CASP10: variants seen among roughly 807,000 people sequenced by gnomAD.
CASP10 encodes the protein caspase-10.
Under a neutral mutation model 48.5 loss-of-function variants are expected in CASP10, and 41 were observed. That is an observed-to-expected ratio of 0.85 (90% CI 0.66 to 1.10). The LOEUF (loss-of-function observed/expected upper bound fraction) is 1.10. Ranked by LOEUF, CASP10 falls within the 50% of genes least tolerant of loss-of-function variation. CASP10 has a pLI of 0.00. For missense variants in CASP10, 614 were observed against 614.5 expected (o/e 1.00, Z 0.01); for synonymous variants, 232 against 238.4 (o/e 0.97, Z 0.25).
At chr2:201,199,914 C>T (rs945790317) in intron 5 of CASP10, among the ~76,000 whole-genome samples, 1 of 152,122 alleles carries the variant, frequency 6.6e-6, no homozygotes, top group Non-Finnish European at 1.5e-5. Flanking sequence ...ACTTTTATGA[C>T]ATTTAATTTC....
At chr2:201,210,101 A>C (rs2126049474) in intron 9 of CASP10, among the ~76,000 whole-genome samples, 2 of 152,340 alleles carry the variant, frequency 1.3e-5, no homozygotes, top group South Asian at 2.1e-4. Context: ...GCATGAACAA[A>C]AGCATGGGGG....
At chr2:201,196,007 C>A in intron 5 of CASP10, 59 bp downstream of exon 5, 2 of 1,120,994 alleles carry the variant, frequency 1.8e-6, no homozygotes, top group Non-Finnish European at 2.7e-6. Context: ...CCAACCTCCC[C>A]TCCCTGCCAC....
At chr2:201,210,457 A>G (rs1394026592) in intron 9 of CASP10, among the ~76,000 whole-genome samples, 2 of 152,184 alleles carry the variant, frequency 1.3e-5, no homozygotes, top group Non-Finnish European at 2.9e-5. Context: ...CCCGCTAGAT[A>G]TCCTACCTCT....
Position 201,205,942 on chromosome 2 carries a change from C to T in CASP10, c.782C>T (p.Ala261Val). 1.2e-6 allele frequency: 2 copies of T among 1,612,930 alleles called. No individual in the cohort carries two copies. The highest frequency in any genetic ancestry group is 2.2e-5 in the South Asian group (2 of 91,052). Residue 261 changes from alanine to valine, a missense_variant, in exon 7 of 10, where the codon GCT (alanine) becomes GTT (valine). Physicochemically the swap from Ala to Val is moderately conservative, Grantham distance 64. Coordinates refer to ENST00000286186, the MANE Select transcript of CASP10 (RefSeq NM_032977.4). Reference protein sequence around the residue: ...LVSRGMQGASANTLNSETSTK... With the variant: ...LVSRGMQGASVNTLNSETSTK... The stretch of plus-strand genomic sequence containing the variant: ...TCCAGGGGGATGCAAGGAGCATCTG[C>T]TAACACTCTAAACTCTGAAACCAGC...
chr2:201,206,121 C>A, intron 7 of CASP10, 148 bp downstream of exon 7: 1 of 591,354 alleles, frequency 1.7e-6, no homozygotes. Context: ...AGACTTGTTT[C>A]TCCCTCTCTC....
rs1235851750 is a variant in CASP10 at position 201,205,224 on chromosome 2, TTTTC to T, written c.722-654_722-651del. On this transcript the variant is annotated intron_variant, in intron 6 of 9. Transcript: ENST00000286186. ...TTCCCCTCTTTTTTCTTTTCTTTTCTTTTCTTTTTTTTTTTTTTGAGACAGGGCC... is the reference window on the plus strand; with the variant it reads ...TTCCCCTCTTTTTTCTTTTCTTTTCTTTTTTTTTTTTTTTGAGACAGGGCC... Among the ~76,000 whole-genome samples the T allele has an allele frequency of 4.1e-5, 6 of 147,536 alleles. No individual in the cohort carries two copies. The South Asian group carries it at 6.3e-4, about 16-fold the overall frequency.
At chr2:201,225,530 C>A (rs771988003), downstream of CASP10, among the ~76,000 whole-genome samples, 3 of 152,212 alleles carry the variant, frequency 2.0e-5, no homozygotes, top group Non-Finnish European at 4.4e-5. Flanking sequence ...ATCGAATTCT[C>A]TATGATCTCA....
chr2:201,203,572 G>A (rs1945098728), intron 5 of CASP10, among the ~76,000 whole-genome samples, 158 bp from the exon 6 acceptor site: 1 of 152,152 alleles, frequency 6.6e-6, no homozygotes, highest in Admixed American at 6.5e-5. Context: ...CTCCCAAAGT[G>A]CTGGGATTAC....
chr2:201,202,693 A>G (rs2126036161), intron 5 of CASP10, among the ~76,000 whole-genome samples: 1 of 152,294 alleles, frequency 6.6e-6, no homozygotes, highest in South Asian at 2.1e-4. Context: ...CCTCCTTTGC[A>G]TTTGTTCCTG....
chr2:201,213,263 C>T (rs1219956728), intron 9 of CASP10: 1 of 152,086 alleles, frequency 6.6e-6, no homozygotes, highest in Non-Finnish European at 1.5e-5. Context: ...CACAATCTAA[C>T]ATTTTGATTA....
rs185634125 is a variant in CASP10, at chr2:201,200,648, A to C, written c.685-3082A>C. On this transcript the variant is annotated intron_variant, in intron 5 of 9. Transcript: ENST00000286186. ...GTGGAGGTATTTAGGCATTTGAGGG[A>C]ATCTCAGCTTTGGGAGGCCACTTTG... 306 of 1,423,698 alleles carry C rather than the reference A, an allele frequency of 2.1e-4. 2 individuals carry two copies. The East Asian group carries it at 5.0e-3, about 23-fold the overall frequency. The allele number at this position is 1,423,698 out of a possible 1,614,324, so 88.2% of individuals were successfully genotyped here. A position where few individuals can be genotyped will look rare whatever the true frequency, so the allele number is the denominator to read the frequency against.
chr2:201,190,080 A>G (rs1302952361), intron 3 of CASP10, among the ~76,000 whole-genome samples: 1 of 152,164 alleles, frequency 6.6e-6, no homozygotes, highest in Non-Finnish European at 1.5e-5. Context: ...ACATGACCTT[A>G]GTAGTCTTTG....
chr2:201,228,139 C>T (rs1355299948), intron 9 of CASP10, among the ~76,000 whole-genome samples: 2 of 152,136 alleles, frequency 1.3e-5, no homozygotes, highest in African/African-American at 2.4e-5. Flanking sequence ...AGTATGAGAC[C>T]AGCCTGGCCA....
At chr2:201,208,890 C>T (rs1161248859) in intron 8 of CASP10, among the ~76,000 whole-genome samples, 180 bp from the exon 9 acceptor site, 2 of 152,092 alleles carry the variant, frequency 1.3e-5, no homozygotes, top group African/African-American at 4.8e-5. Context: ...TCTGGCCAGA[C>T]TGTTCTCAAA....
chr2:201,186,381 C>T (rs1392211720), intron 2 of CASP10: 11 of 476,160 alleles, frequency 2.3e-5, no homozygotes, highest in Non-Finnish European at 4.2e-5. Context: ...CAGTGAAGCC[C>T]ACCTCAGTGT....
At chr2:201,195,982 A>T (rs1257334251) in intron 5 of CASP10, 34 bp downstream of exon 5, 1 of 1,445,952 alleles carries the variant, frequency 6.9e-7, no homozygotes. Flanking sequence ...AATGCTTAAC[A>T]ACCGGCTCCA....
At chr2:201,196,439 GT>G (rs1186244579) in intron 5 of CASP10, among the ~76,000 whole-genome samples, 2 of 152,190 alleles carry the variant, frequency 1.3e-5, no homozygotes, top group African/African-American at 4.8e-5. Flanking sequence ...GAGGGCAAGG[GT>G]TTCTGGTTTC....
At chr2:201,188,075 G>A (rs910894058) in intron 3 of CASP10, among the ~76,000 whole-genome samples, 4 of 152,152 alleles carry the variant, frequency 2.6e-5, no homozygotes, top group Admixed American at 6.5e-5. Context: ...AGGATTGTTG[G>A]GAGAATTAGC....
At position 201,185,977 on chromosome 2, in the gene CASP10, C is replaced by T; in HGVS notation, c.200C>T (p.Ala67Val). Residue 67 changes from alanine to valine, a missense_variant, in exon 2 of 10, where the codon GCA becomes GTA. Coordinates refer to ENST00000286186, the MANE Select transcript of CASP10 (RefSeq NM_032977.4). ...SASDVFEHLL[A>V]EDLLSEEDPF... ...TCAGATGTTTTTGAACATCTCTTGG[C>T]AGAGGATCTGCTGAGTGAGGAAGAC... The T allele has an allele frequency of 6.2e-7, 1 of 1,613,968 alleles. No homozygotes were observed. Among genetic ancestry groups the T allele is most frequent in the Non-Finnish European group, 8.5e-7 (1 of 1,179,984 alleles).
Sources: allele counts gnomAD v4.1 joint callset (sites outside exome capture counted in the v4.1 genomes callset), GRCh38; gene constraint gnomAD v4.1.1; transcripts MANE v1.5; gene names NCBI Gene and HGNC (gene_info 2026-07-23, HGNC 2026-07-21).